The following ECPAS variants were observed in gnomAD, a reference collection of about 807,000 sequenced individuals.
ECPAS encodes proteasome adapter and scaffold protein ECM29.
A neutral mutation model predicts 255.1 loss-of-function variants in ECPAS; 70 were observed. The observed-to-expected ratio is 0.27, with a 90% CI of 0.23 to 0.33. The LOEUF (loss-of-function observed/expected upper bound fraction) is 0.33, where lower values mean the gene tolerates loss of function less well. Ranked by LOEUF, ECPAS falls within the 10% of genes least tolerant of loss-of-function variation. ECPAS has a pLI of 1.00. For missense variants in ECPAS, 1,817 were observed against 2,206.4 expected (o/e 0.82, Z 3.54); for synonymous variants, 784 against 775.0 (o/e 1.01, Z -0.19).
intron 24 of ECPAS, 102 bp downstream of exon 24, chr9:111,408,469 C>T (rs2098188640): frequency 1.5e-6 from 1 of 655,774 alleles, no homozygotes; most frequent in South Asian, 2.3e-5. Context: ...CAAGTAAATG[C>T]TTAATTAAAA....
chr9:111,455,439 G>A (rs1014411814), intron 2 of ECPAS, among the ~76,000 whole-genome samples: 7 of 152,172 alleles, frequency 4.6e-5, no homozygotes, highest in Admixed American at 2.6e-4. Flanking sequence ...AGCAGATATC[G>A]TGCCACTGCA....
chr9:111,413,252 C>G (rs1315774854), intron 20 of ECPAS, among the ~76,000 whole-genome samples: 4 of 152,170 alleles, frequency 2.6e-5, no homozygotes, highest in African/African-American at 9.7e-5. Context: ...TGGAAGTACT[C>G]TAAATGACCA....
At chr9:111,452,411 G>A (rs562717667) in intron 2 of ECPAS, among the ~76,000 whole-genome samples, 1 of 152,142 alleles carries the variant, frequency 6.6e-6, no homozygotes, top group South Asian at 2.1e-4. Context: ...ACCTTCTACT[G>A]TATCTACTAT....
Position 111,405,383 on chromosome 9 carries a change from C to T in ECPAS, c.2652+3188G>A, listed in dbSNP as rs542460179. ...CACATGTAGAATAATGAAACTGGGC[C>T]CCTTTGTCTCACCATATCAAACCAA... On this transcript the variant is annotated intron_variant, in intron 24 of 49. Coordinates refer to ENST00000684092, the MANE Select transcript of ECPAS (RefSeq NM_001364929.1). Among the ~76,000 whole-genome samples the T allele has an allele frequency of 6.0e-5, 9 of 149,556 alleles. 2 individuals are homozygous for T. The East Asian group carries it at 1.4e-3, about 24-fold the overall frequency.
intron 3 of ECPAS, among the ~76,000 whole-genome samples, chr9:111,448,928 T>C (rs2098256728): frequency 2.1e-5 from 3 of 145,238 alleles, no homozygotes; most frequent in African/African-American, 5.6e-5. Flanking sequence ...TTTTTGGTTC[T>C]TTTTTTTTAA....
chr9:111,430,619 G>C lies in ECPAS; in HGVS notation c.858C>G (p.Asp286Glu). The C allele has an allele frequency of 6.3e-7, 1 of 1,591,010 alleles. No individual in the cohort carries two copies. The highest frequency in any genetic ancestry group is 1.1e-5 in the South Asian group (1 of 87,160). The change falls in exon 9 of 50, where the codon GAC becomes GAG. Residue 286 changes from aspartate to glutamate, a missense_variant. Coordinates refer to ENST00000684092, the MANE Select transcript of ECPAS (RefSeq NM_001364929.1). ...LELKSKQSLI[D>E]WNNPAIINKM... ...TATTAATGATGGCAGGATTATTCCA[G>C]TCAATTAAGCTATGGAAGGTTTCAA...
intron 2 of ECPAS, among the ~76,000 whole-genome samples, chr9:111,463,063 T>C (rs957915759): frequency 2.0e-5 from 3 of 152,182 alleles, no homozygotes; most frequent in African/African-American, 7.2e-5. Context: ...TGGATTTCCA[T>C]GTCAGGATAG....
intron 38 of ECPAS, among the ~76,000 whole-genome samples, 195 bp downstream of exon 38, chr9:111,374,918 A>C (rs1722554871): frequency 6.6e-6 from 1 of 152,246 alleles, no homozygotes; most frequent in Non-Finnish European, 1.5e-5. Flanking sequence ...GTTAATACTT[A>C]CTGGAACAGT....
chr9:111,478,297 G>A (rs1026022333), intron 1 of ECPAS, among the ~76,000 whole-genome samples: 1 of 152,080 alleles, frequency 6.6e-6, no homozygotes, highest in East Asian at 1.9e-4. Flanking sequence ...GGGAGGCAGA[G>A]GTGGGTGGAT....
chr9:111,428,239 A>C, intron 9 of ECPAS, 78 bp from the exon 10 acceptor site: 1 of 1,379,646 alleles, frequency 7.2e-7, no homozygotes, highest in Non-Finnish European at 9.9e-7. Flanking sequence ...ATTCATCTTA[A>C]TCAGTGGTCT....
intron 1 of ECPAS, among the ~76,000 whole-genome samples, chr9:111,479,655 C>CTA (rs1177244727): frequency 1.3e-5 from 2 of 151,906 alleles, no homozygotes; most frequent in Admixed American, 6.6e-5. Flanking sequence ...TATTTTACTA[C>CTA]TATTTTTTAA....
chr9:111,393,657 G>C lies in ECPAS; in HGVS notation c.2977+23C>G, dbSNP rs372971918. The stretch of plus-strand genomic sequence containing the variant: ...TAAAATACAAGTTCAATTAAGTTTA[G>C]AAATCAAATATTAACAACCTACCAT... On this transcript the variant is annotated intron_variant, in intron 27 of 49. Transcript: ENST00000684092. The C allele has an allele frequency of 2.1e-6, 3 of 1,443,560 alleles. No homozygotes were observed. In the African/African-American group the frequency reaches 4.2e-5, roughly 20 times the overall value. 89.4% of individuals were successfully genotyped at this position (1,443,560 alleles called of 1,614,324 possible).
intron 1 of ECPAS, among the ~76,000 whole-genome samples, chr9:111,476,244 A>C (rs1385916332): frequency 8.5e-5 from 13 of 152,306 alleles, no homozygotes; most frequent in Admixed American, 3.9e-4. Flanking sequence ...CGAAACCACT[A>C]AACAGCTGAC....
intron 35 of ECPAS, among the ~76,000 whole-genome samples, chr9:111,382,233 T>C (rs1359573599): frequency 1.3e-5 from 2 of 151,958 alleles, no homozygotes; most frequent in South Asian, 2.1e-4. Context: ...ACTTAGATTA[T>C]TTTACTGAGG....
chr9:111,446,146 T>C (rs1312903370), intron 3 of ECPAS, among the ~76,000 whole-genome samples: 1 of 152,210 alleles, frequency 6.6e-6, no homozygotes, highest in Non-Finnish European at 1.5e-5. Flanking sequence ...TATTGTATTC[T>C]GAATATCATC....
intron 8 of ECPAS, among the ~76,000 whole-genome samples, 177 bp from the exon 9 acceptor site, chr9:111,430,805 T>C (rs1007410955): frequency 6.6e-6 from 1 of 152,232 alleles, no homozygotes; most frequent in Non-Finnish European, 1.5e-5. Flanking sequence ...TCTATCAAAG[T>C]ATGTTTTTAA....
chr9:111,424,990 G>A (rs780171960), intron 12 of ECPAS, among the ~76,000 whole-genome samples: 2 of 151,898 alleles, frequency 1.3e-5, no homozygotes, highest in Non-Finnish European at 2.9e-5. Context: ...GCCTTGAGAC[G>A]GCCAGTAGAG....
intron 24 of ECPAS, among the ~76,000 whole-genome samples, chr9:111,408,176 T>C (rs2098188160): frequency 6.6e-6 from 1 of 152,214 alleles, no homozygotes; most frequent in African/African-American, 2.4e-5. Flanking sequence ...CTTGTAGGTC[T>C]TCTCCACTAC....
chr9:111,433,107 G>A, intron 8 of ECPAS, 126 bp downstream of exon 8: 1 of 884,868 alleles, frequency 1.1e-6, no homozygotes, highest in Non-Finnish European at 1.7e-6. Context: ...TACAAACTAG[G>A]TATATTTAAT....
Sources: allele counts gnomAD v4.1 joint callset (sites outside exome capture counted in the v4.1 genomes callset), GRCh38; gene constraint gnomAD v4.1.1; transcripts MANE v1.5; gene names NCBI Gene and HGNC (gene_info 2026-07-23, HGNC 2026-07-21).